NTRK2: variants seen among roughly 807,000 people sequenced by gnomAD.
NTRK2 encodes BDNF/NT-3 growth factors receptor.
NTRK2 carries 13 observed loss-of-function variants against 94.5 expected under a neutral mutation model. The ratio of observed to expected loss-of-function variants is 0.14; its 90% CI spans 0.09 to 0.22. The LOEUF is 0.22. Ranked by LOEUF, NTRK2 falls within the 10% of genes least tolerant of loss-of-function variation. The probability of loss-of-function intolerance (pLI) is 1.00; values close to 1 mark genes in which losing one functional copy is unlikely to be tolerated. For synonymous variants in NTRK2, 372 were observed against 407.4 expected (o/e 0.91, Z 1.05); for missense variants, 639 against 1,071.2 (o/e 0.60, Z 5.63).
chr9:84,677,489 A>G (rs948132444), intron 2 of NTRK2, among the ~76,000 whole-genome samples: 2 of 152,152 alleles, frequency 1.3e-5, no homozygotes, highest in East Asian at 1.9e-4. Context: ...ATTTGCTCCC[A>G]TGGGACGTGA....
intron 6 of NTRK2, among the ~76,000 whole-genome samples, chr9:84,714,303 G>A (rs938327440): frequency 4.6e-5 from 7 of 152,128 alleles, no homozygotes; most frequent in South Asian, 2.1e-4. Context: ...TCTACTTTTC[G>A]GTCCTTTGAA....
At chr9:84,860,234 A>G (rs997134515) in intron 12 of NTRK2, among the ~76,000 whole-genome samples, 4 of 152,192 alleles carry the variant, frequency 2.6e-5, no homozygotes, top group Admixed American at 2.6e-4. Context: ...TGCAGAATTC[A>G]CTTTGAATCC....
chr9:84,836,104 C>T (rs561583145), intron 12 of NTRK2, among the ~76,000 whole-genome samples: 8 of 152,220 alleles, frequency 5.3e-5, no homozygotes, highest in African/African-American at 1.4e-4. Flanking sequence ...TGTTCTTTGC[C>T]AAAATGTTTT....
intron 17 of NTRK2, among the ~76,000 whole-genome samples, chr9:85,007,648 A>G (rs1002129766): frequency 4.6e-5 from 7 of 152,190 alleles, no homozygotes; most frequent in African/African-American, 1.7e-4. Context: ...TTGGAAAGAC[A>G]TCTTAGAGTA....
chr9:84,762,655 T>C (rs2065685501), intron 12 of NTRK2, among the ~76,000 whole-genome samples: 1 of 152,198 alleles, frequency 6.6e-6, no homozygotes, highest in Non-Finnish European at 1.5e-5. Flanking sequence ...CAGACACCTA[T>C]CTCAGGCACA....
At chr9:84,742,947 C>T (rs2063776346) in intron 10 of NTRK2, among the ~76,000 whole-genome samples, 1 of 151,738 alleles carries the variant, frequency 6.6e-6, no homozygotes, top group Admixed American at 6.6e-5. Context: ...ATTACAAGCA[C>T]GTGCCACCAC....
intron 14 of NTRK2, among the ~76,000 whole-genome samples, chr9:84,898,125 T>C (rs768243735): frequency 1.2e-4 from 18 of 151,866 alleles, no homozygotes; most frequent in Admixed American, 3.9e-4. Flanking sequence ...ACAGATTCAC[T>C]TCTGTCTTTT....
At chr9:84,887,995 C>T (rs530010651) in intron 14 of NTRK2, among the ~76,000 whole-genome samples, 2 of 152,146 alleles carry the variant, frequency 1.3e-5, no homozygotes, top group East Asian at 1.9e-4. Flanking sequence ...ATGACAAAAC[C>T]CATTTTTTTT....
intron 9 of NTRK2, among the ~76,000 whole-genome samples, chr9:84,739,595 T>G (rs555970580): frequency 6.6e-6 from 1 of 152,342 alleles, no homozygotes; most frequent in South Asian, 2.1e-4. Flanking sequence ...CTCTGAATCC[T>G]CAGGCTTGTC....
chr9:84,686,240 A>T (rs1040978312), intron 2 of NTRK2, among the ~76,000 whole-genome samples: 3 of 152,224 alleles, frequency 2.0e-5, no homozygotes, highest in African/African-American at 7.2e-5. Context: ...AAAGGAAAAA[A>T]GGCAAAGCCT....
At chr9:84,810,849 T>G in intron 12 of NTRK2, 1 of 1,304,860 alleles carries the variant, frequency 7.7e-7, no homozygotes, top group Non-Finnish European at 9.7e-7. Context: ...CTTCTCTTCT[T>G]ACAGTAGTTC....
In NTRK2 at chr9:85,026,129, CAA is replaced by C. The variant is rs3837243; in HGVS notation, c.*4702_*4703del. The C allele has an allele frequency of 2.5e-3, 502 of 197,104 alleles. No individual in the cohort carries two copies. The highest frequency in any genetic ancestry group is 8.6e-3 in the Middle Eastern group (5 of 582). 12.2% of individuals were successfully genotyped at this position (197,104 alleles called of 1,614,324 possible). On this transcript the variant is annotated 3_prime_UTR_variant, in exon 19 of 19. Coordinates refer to ENST00000277120, the MANE Select transcript of NTRK2 (RefSeq NM_006180.6). The stretch of plus-strand genomic sequence containing the variant: ...CATTCAGCACAAACACAAAGCAAAG[CAA>C]AAAAAAAAATATATATATATATATC...
At chr9:84,805,676 T>C (rs577092835) in intron 12 of NTRK2, among the ~76,000 whole-genome samples, 2 of 152,340 alleles carry the variant, frequency 1.3e-5, no homozygotes, top group South Asian at 4.1e-4. Context: ...TGTTGAAACT[T>C]AACCCCCAAT....
chr9:84,917,099 T>C (rs949631743), intron 14 of NTRK2, among the ~76,000 whole-genome samples: 1 of 152,166 alleles, frequency 6.6e-6, no homozygotes, highest in East Asian at 1.9e-4. Context: ...ATGAGCCTGC[T>C]GTTTGGCTTT....
In NTRK2 at chr9:84,948,610, A is replaced by T. The variant is rs1227692441; in HGVS notation, c.1913A>T (p.His638Leu). ...ATCATGGTCTTTGAGTACATGAAGCATGGGGACCTCAACAAGTTCCTCAGG... is the reference window on the plus strand; with the variant it reads ...ATCATGGTCTTTGAGTACATGAAGCTTGGGGACCTCAACAAGTTCCTCAGG... The part of the protein sequence containing the change: ...PLIMVFEYMK[H>L]GDLNKFLRAH... Residue 638 changes from histidine to leucine, a missense_variant, in exon 16 of 19, where the codon CAT (histidine) becomes CTT (leucine). This residue lies in a region of NTRK2 where 343 missense variants were observed against 571.5 expected (regional missense o/e 0.60). Transcript: ENST00000277120. 5.6e-6 allele frequency: 9 copies of T among 1,614,136 alleles called. No homozygotes were observed. Among genetic ancestry groups the T allele is most frequent in the Non-Finnish European group, 7.6e-6 (9 of 1,180,032 alleles).
At chr9:84,767,145 G>C (rs2132747629) in intron 12 of NTRK2, among the ~76,000 whole-genome samples, 1 of 152,176 alleles carries the variant, frequency 6.6e-6, no homozygotes, top group South Asian at 2.1e-4. Flanking sequence ...TCTACTCTAA[G>C]GCCTGGGATA....
intron 14 of NTRK2, among the ~76,000 whole-genome samples, chr9:84,871,464 T>A (rs2075863438): frequency 6.6e-6 from 1 of 152,204 alleles, no homozygotes. Flanking sequence ...GAAGGATCAA[T>A]GAATAAAAAC....
intron 12 of NTRK2, among the ~76,000 whole-genome samples, chr9:84,772,078 C>T (rs755788521): frequency 1.3e-5 from 2 of 152,148 alleles, no homozygotes; most frequent in African/African-American, 2.4e-5. Context: ...TGTGAAGTCA[C>T]ATGCCAGCAC....
At chr9:84,925,044 G>T (rs1156465183) in intron 14 of NTRK2, among the ~76,000 whole-genome samples, 1 of 152,110 alleles carries the variant, frequency 6.6e-6, no homozygotes, top group Non-Finnish European at 1.5e-5. Flanking sequence ...CGGTGCCCCA[G>T]TGCTATGAGG....
Sources: allele counts gnomAD v4.1 joint callset (sites outside exome capture counted in the v4.1 genomes callset), GRCh38; gene constraint gnomAD v4.1.1; regional missense constraint gnomAD v4.1.1; transcripts MANE v1.5; gene names NCBI Gene and HGNC (gene_info 2026-07-23, HGNC 2026-07-21).